Variants in EMSY observed in about 807,000 individuals in gnomAD.
EMSY encodes EMSY transcriptional repressor, BRCA2 interacting, also known as BRCA2-interacting transcriptional repressor EMSY.
Under a neutral mutation model 134.6 loss-of-function variants are expected in EMSY, and 26 were observed. The ratio of observed to expected loss-of-function variants is 0.19; its 90% CI spans 0.14 to 0.27. The LOEUF (loss-of-function observed/expected upper bound fraction) is 0.27, where lower values mean the gene tolerates loss of function less well. Ranked by LOEUF, EMSY falls within the 10% of genes least tolerant of loss-of-function variation. The pLI, the probability that EMSY is intolerant of heterozygous loss-of-function variation, is 1.00. For missense variants in EMSY, 1,305 were observed against 1,611.4 expected (o/e 0.81, Z 3.26); for synonymous variants, 579 against 577.8 (o/e 1.00, Z -0.03).
intron 10 of EMSY, among the ~76,000 whole-genome samples, chr11:76,515,605 G>T (rs1385930659): frequency 1.3e-5 from 2 of 152,130 alleles, no homozygotes; most frequent in Admixed American, 1.3e-4. Context: ...TTACTAAAAT[G>T]ATAGAATAAC....
chr11:76,540,391 T>C (rs1325816230), intron 17 of EMSY, among the ~76,000 whole-genome samples: 1 of 152,206 alleles, frequency 6.6e-6, no homozygotes, highest in Non-Finnish European at 1.5e-5. Context: ...ACCTTGACTA[T>C]CTTTTTTTCG....
At chr11:76,445,832 C>T (rs892970016) in intron 1 of EMSY, among the ~76,000 whole-genome samples, 1 of 152,106 alleles carries the variant, frequency 6.6e-6, no homozygotes, top group South Asian at 2.1e-4. Flanking sequence ...GCCCCTTCTT[C>T]CTCCTCCCCA....
intron 4 of EMSY, among the ~76,000 whole-genome samples, chr11:76,456,121 T>C (rs1947863682): frequency 6.6e-6 from 1 of 152,178 alleles, no homozygotes; most frequent in Non-Finnish European, 1.5e-5. Flanking sequence ...CTAAAGTATC[T>C]CAGTGAAGCC....
rs760133430 is a variant in EMSY, at chr11:76,453,383, A to G, written c.240A>G (p.Ala80=). The G allele has an allele frequency of 2.5e-6, 4 of 1,612,612 alleles. No homozygotes were observed. In the South Asian group the frequency reaches 3.3e-5, roughly 13 times the overall value. ...ACGATGAACGGTTAACAACAATTGCACATAAGTAAGCCATTAGTCGTACCA... is the reference window on the plus strand; with the variant it reads ...ACGATGAACGGTTAACAACAATTGCGCATAAGTAAGCCATTAGTCGTACCA... The change falls in exon 4 of 21, where the codon GCA becomes GCG. Residue 80 remains alanine, a synonymous_variant. Transcript: ENST00000334736.
At chr11:76,463,799 C>T (rs2135171979) in intron 6 of EMSY, 22 bp from the exon 8 acceptor site, 3 of 1,612,888 alleles carry the variant, frequency 1.9e-6, no homozygotes, top group Non-Finnish European at 2.5e-6. Context: ...ATACATATAG[C>T]AGTATTGTCA....
At chr11:76,471,347 G>A (rs571247416) in intron 7 of EMSY, among the ~76,000 whole-genome samples, 16 of 152,176 alleles carry the variant, frequency 1.1e-4, no homozygotes, top group African/African-American at 3.4e-4. Context: ...TTCCTGATAA[G>A]TCTCCTTTAT....
chr11:76,462,007 C>T (rs927991418), intron 6 of EMSY, among the ~76,000 whole-genome samples: 1 of 151,838 alleles, frequency 6.6e-6, no homozygotes, highest in Non-Finnish European at 1.5e-5. Flanking sequence ...GAGGCCGAGG[C>T]GAGCAGATCA....
At chr11:76,490,568 AT>A (rs1406867239) in intron 8 of EMSY, among the ~76,000 whole-genome samples, 1 of 152,140 alleles carries the variant, frequency 6.6e-6, no homozygotes, top group Non-Finnish European at 1.5e-5. Flanking sequence ...GAGTACTTCT[AT>A]TTCCTCTCTC....
intron 7 of EMSY, among the ~76,000 whole-genome samples, chr11:76,467,262 A>T (rs1020737374): frequency 6.6e-6 from 1 of 152,186 alleles, no homozygotes; most frequent in Non-Finnish European, 1.5e-5. Flanking sequence ...TCTACTTACT[A>T]TAACGCTTTT....
At chr11:76,481,937 C>T (rs967597685) in intron 8 of EMSY, among the ~76,000 whole-genome samples, 1 of 152,200 alleles carries the variant, frequency 6.6e-6, no homozygotes, top group African/African-American at 2.4e-5. Context: ...TCCTGACCTC[C>T]ATGCCTCCTG....
chr11:76,453,558 G>A (rs951512742), intron 4 of EMSY, 170 bp downstream of exon 4: 107 of 534,704 alleles, frequency 2.0e-4, no homozygotes, highest in African/African-American at 1.7e-3. Context: ...TATTCAGTTG[G>A]GTTTTTTTTT....
At chr11:76,497,924 ACT>A (rs1949716409) in intron 9 of EMSY, among the ~76,000 whole-genome samples, 1 of 151,920 alleles carries the variant, frequency 6.6e-6, no homozygotes, top group South Asian at 2.1e-4. Context: ...TTCAAGACAT[ACT>A]CTCTTTTCTA....
intron 8 of EMSY, among the ~76,000 whole-genome samples, chr11:76,491,482 C>T (rs995775214): frequency 1.4e-4 from 21 of 152,016 alleles, no homozygotes; most frequent in African/African-American, 3.6e-4. Context: ...TGTCCAGCCC[C>T]GCCTGAGTTC....
intron 9 of EMSY, among the ~76,000 whole-genome samples, chr11:76,505,922 G>A (rs546143614): frequency 5.3e-4 from 80 of 151,898 alleles, no homozygotes; most frequent in African/African-American, 1.5e-3. Flanking sequence ...CTGACACTTT[G>A]GTAGGCCAAG....
Position 76,464,160 on chromosome 11 carries a change from T to C in EMSY, c.831+80T>C, listed in dbSNP as rs575800206. 755 of 1,510,414 alleles carry C rather than the reference T, an allele frequency of 5.0e-4. 2 individuals carry two copies. The highest frequency in any genetic ancestry group is 6.5e-4 in the Non-Finnish European group (717 of 1,101,808). 93.6% of individuals were successfully genotyped at this position (1,510,414 alleles called of 1,614,324 possible). A position where few individuals can be genotyped will look rare whatever the true frequency, so the allele number is the denominator to read the frequency against. ...TCAGATTTAATAAACATGCACTGAG[T>C]GCTTACTATGTGCTTGGCATTATGC... On this transcript the variant is annotated intron_variant, in intron 7 of 20. Transcript: ENST00000334736.
At chr11:76,526,569 T>C in exon 13 of EMSY, 2 of 1,613,834 alleles carry the variant, frequency 1.2e-6, no homozygotes, top group Non-Finnish European at 1.7e-6. Context: ...GAATAGGTTC[T>C]ACAGTTCAAC....
At chr11:76,503,435 T>C (rs756324152) in intron 9 of EMSY, among the ~76,000 whole-genome samples, 7 of 151,470 alleles carry the variant, frequency 4.6e-5, no homozygotes, top group Non-Finnish European at 1.5e-5. Flanking sequence ...TGGAACAGAA[T>C]TGAAAGTCCA....
At chr11:76,533,661 T>G (rs1001894784) in intron 14 of EMSY, among the ~76,000 whole-genome samples, 2 of 152,236 alleles carry the variant, frequency 1.3e-5, no homozygotes, top group Non-Finnish European at 2.9e-5. Flanking sequence ...TAGAGATGTC[T>G]GAGTCTGCCT....
chr11:76,538,243 A>G (rs1227827474), intron 16 of EMSY, among the ~76,000 whole-genome samples: 1 of 151,922 alleles, frequency 6.6e-6, no homozygotes, highest in African/African-American at 2.4e-5. Context: ...TCTAAGAATG[A>G]GTTTTGTTTG....
Sources: allele counts gnomAD v4.1 joint callset (sites outside exome capture counted in the v4.1 genomes callset), GRCh38; gene constraint gnomAD v4.1.1; transcripts MANE v1.5; gene names NCBI Gene and HGNC (gene_info 2026-07-23, HGNC 2026-07-21).